CYLC2: variants seen among roughly 807,000 people sequenced by gnomAD.
The protein encoded by CYLC2 is cylicin 2, also known as cylicin-2.
In CYLC2, 30 loss-of-function variants were observed where a neutral mutation model predicts 26.1. That is an observed-to-expected ratio of 1.15 (90% CI 0.86 to 1.56). The LOEUF is 1.56. Among genes scored for constraint, CYLC2 ranks in the 40% most tolerant of loss-of-function variants. The pLI is 0.00. For synonymous variants in CYLC2, 158 were observed against 132.8 expected, an observed-to-expected ratio of 1.19 and a Z score of -1.31; for missense variants, 498 against 394.4, an observed-to-expected ratio of 1.26 and a Z score of -2.23.
chr9:103,007,845 C>G (rs962532712), intron 5 of CYLC2, among the ~76,000 whole-genome samples: 2 of 152,064 alleles, frequency 1.3e-5, no homozygotes, highest in Admixed American at 1.3e-4. Flanking sequence ...TTCCAAGGAA[C>G]AGTAAGGAAT....
chr9:103,003,291 T>C, intron 3 of CYLC2, 28 bp downstream of exon 3: 5 of 1,581,868 alleles, frequency 3.2e-6, no homozygotes, highest in Non-Finnish European at 4.3e-6. Flanking sequence ...TTTATAATTA[T>C]CAGTAATAAG....
chr9:102,999,602 C>T (rs1829268608), intron 1 of CYLC2, among the ~76,000 whole-genome samples: 1 of 151,798 alleles, frequency 6.6e-6, no homozygotes, highest in Non-Finnish European at 1.5e-5. Flanking sequence ...TAAAAACAGG[C>T]ATTATCTAGA....
rs201304746 is a variant in CYLC2 at position 103,006,017 on chromosome 9, GACACACACACACAC to G, written c.*381_*394del. 0.046 allele frequency: 5,544 copies of G among 120,022 alleles called. 189 individuals are homozygous for G. Among genetic ancestry groups the G allele is most frequent in the African/African-American group, 0.1 (2,904 of 29,144 alleles). 7.4% of individuals were successfully genotyped at this position (120,022 alleles called of 1,614,324 possible). On this transcript the variant is annotated 3_prime_UTR_variant, in exon 5 of 8. Transcript: ENST00000374798. ...TGAAGATAATGACACTAAATCTATG[GACACACACACACAC>G]ACACACACACACACACACACACACA...
intron 5 of CYLC2, among the ~76,000 whole-genome samples, chr9:103,009,918 T>C (rs1032802829): frequency 1.4e-5 from 2 of 144,340 alleles, no homozygotes; most frequent in Non-Finnish European, 3.0e-5. Flanking sequence ...CATATATGTG[T>C]ATATACACAC....
Position 103,005,776 on chromosome 9 carries a change from C to A in CYLC2, c.*98C>A. The A allele has an allele frequency of 5.5e-6, 7 of 1,274,064 alleles. No individual in the cohort carries two copies. Among genetic ancestry groups the A allele is most frequent in the South Asian group, 1.6e-5 (1 of 62,496 alleles). 78.9% of individuals were successfully genotyped at this position (1,274,064 alleles called of 1,614,324 possible). On this transcript the variant is annotated 3_prime_UTR_variant, in exon 5 of 8. Transcript: ENST00000374798. ...GCTGAATTTGTGAGAAAACAAGAGG[C>A]CTCAAAGAATTAAATAATTTTTAAA...
intron 2 of CYLC2, 97 bp downstream of exon 2, chr9:103,001,715 G>A: frequency 1.4e-6 from 1 of 734,802 alleles, no homozygotes; most frequent in Non-Finnish European, 2.2e-6. Context: ...CATTGCCATG[G>A]AATAAAATTG....
At chr9:103,014,038 A>G (rs1277062482) in intron 6 of CYLC2, among the ~76,000 whole-genome samples, 13 of 117,592 alleles carry the variant, frequency 1.1e-4, no homozygotes, top group Non-Finnish European at 2.1e-4. Context: ...CATATTATAT[A>G]CATACTTTAT....
intron 1 of CYLC2, among the ~76,000 whole-genome samples, chr9:102,998,224 A>C (rs575534948): frequency 1.7e-3 from 260 of 152,062 alleles, no homozygotes; most frequent in Middle Eastern, 6.8e-3. Context: ...CATTAGTCCT[A>C]TTAAAAAACA....
chr9:102,996,933 A>G (rs1489121439), intron 1 of CYLC2, among the ~76,000 whole-genome samples: 1 of 151,958 alleles, frequency 6.6e-6, no homozygotes, highest in Non-Finnish European at 1.5e-5. Flanking sequence ...TAGAACTAAG[A>G]TTTCTGAAAC....
rs1829412231 is a variant in CYLC2 at position 103,012,016 on chromosome 9, A to G, written c.*735A>G. On this transcript the variant is annotated 3_prime_UTR_variant, in exon 6 of 8. Transcript: ENST00000374798. ...GTTGCCCTGGCTGGAGTTCAGTGAC[A>G]TGATCTCAGGCTTACTACAGCCTCC... 7.9e-6 allele frequency: 1 copy of G among 126,562 alleles called. No homozygotes were observed. Among genetic ancestry groups the G allele is most frequent in the Admixed American group, 1.1e-4 (1 of 9,404 alleles). 7.8% of individuals were successfully genotyped at this position (126,562 alleles called of 1,614,324 possible). A position where few individuals can be genotyped will look rare whatever the true frequency, so the allele number is the denominator to read the frequency against.
chr9:103,008,724 G>A (rs920211602), intron 5 of CYLC2, among the ~76,000 whole-genome samples: 2 of 151,936 alleles, frequency 1.3e-5, no homozygotes, highest in African/African-American at 2.4e-5. Context: ...CAAAATACTC[G>A]AGTTGGTATA....
At chr9:103,003,000 T>C in intron 2 of CYLC2, 142 bp from the exon 3 acceptor site, 1 of 983,048 alleles carries the variant, frequency 1.0e-6, no homozygotes. Context: ...AACAGAAAAT[T>C]GCAAACATTA....
At chr9:102,998,251 TTAA>T (rs1829256358) in intron 1 of CYLC2, among the ~76,000 whole-genome samples, 1 of 151,998 alleles carries the variant, frequency 6.6e-6, no homozygotes, top group Admixed American at 6.6e-5. Context: ...ACCTTTTGAC[TTAA>T]TAATCATTTT....
At chr9:103,001,183 C>T (rs1829284787) in intron 1 of CYLC2, among the ~76,000 whole-genome samples, 1 of 151,562 alleles carries the variant, frequency 6.6e-6, no homozygotes, top group South Asian at 2.1e-4. Context: ...GTTTCAAATT[C>T]AATTAAGAGA....
intron 7 of CYLC2, among the ~76,000 whole-genome samples, chr9:103,018,051 G>GAC (rs1056980044): frequency 1.1e-4 from 16 of 152,068 alleles, no homozygotes; most frequent in Admixed American, 9.9e-4. Context: ...TTTCAGGGTA[G>GAC]ACAATTTATC....
At chr9:103,012,405 T>C in intron 6 of CYLC2, among the ~76,000 whole-genome samples, 1 of 152,054 alleles carries the variant, frequency 6.6e-6, no homozygotes, top group East Asian at 1.9e-4. Context: ...GATAAAATAA[T>C]TCCGGTGTTT....
Position 103,005,069 on chromosome 9 carries a change from T to C in CYLC2, c.438T>C (p.Asp146=), listed in dbSNP as rs142728980. Residue 146 remains aspartate, a synonymous_variant, in exon 5 of 8, where the codon GAT becomes GAC. Coordinates refer to ENST00000374798, the MANE Select transcript of CYLC2 (RefSeq NM_001340.5). ...AAAAAGATTCAAAGAAAGGCAAGGATATAGAGAAAGGAAAAGAAGAAAAGC... is the reference window on the plus strand; with the variant it reads ...AAAAAGATTCAAAGAAAGGCAAGGACATAGAGAAAGGAAAAGAAGAAAAGC... ...QGKKDSKKGK[D]IEKGKEEKLD... The C allele has an allele frequency of 5.0e-6, 8 of 1,604,464 alleles. No individual in the cohort carries two copies. The African/African-American group carries it at 6.8e-5, about 14-fold the overall frequency.
intron 1 of CYLC2, among the ~76,000 whole-genome samples, chr9:102,999,337 T>C (rs1041911254): frequency 6.6e-6 from 1 of 151,912 alleles, no homozygotes; most frequent in African/African-American, 2.4e-5. Flanking sequence ...CTCTGTATCA[T>C]ATAAACTTAT....
intron 1 of CYLC2, 102 bp from the exon 2 acceptor site, chr9:103,001,476 T>A (rs1184971792): frequency 1.5e-6 from 1 of 682,996 alleles, no homozygotes; most frequent in African/African-American, 1.8e-5. Context: ...TTGTGAAATA[T>A]TTCTCTAGTT....
Sources: allele counts gnomAD v4.1 joint callset (sites outside exome capture counted in the v4.1 genomes callset), GRCh38; gene constraint gnomAD v4.1.1; transcripts MANE v1.5; gene names NCBI Gene and HGNC (gene_info 2026-07-23, HGNC 2026-07-21).